The following KIF15 variants were observed in gnomAD, a reference collection of about 807,000 sequenced individuals.
KIF15 encodes the protein kinesin-like protein KIF15.
KIF15 carries 140 observed loss-of-function variants against 190.6 expected under a neutral mutation model. That is an observed-to-expected ratio of 0.73 (90% CI 0.64 to 0.84). The LOEUF (loss-of-function observed/expected upper bound fraction) is 0.84, where lower values mean the gene tolerates loss of function less well. Ranked by LOEUF, KIF15 falls within the 40% of genes least tolerant of loss-of-function variation. KIF15 has a pLI of 0.00. For synonymous variants in KIF15, 528 were observed against 551.3 expected, an observed-to-expected ratio of 0.96 and a Z score of 0.59; for missense variants, 1,372 against 1,584.4, an observed-to-expected ratio of 0.87 and a Z score of 2.28.
chr3:44,833,112 G>A (rs1220106915), intron 26 of KIF15, among the ~76,000 whole-genome samples: 2 of 152,076 alleles, frequency 1.3e-5, no homozygotes, highest in Non-Finnish European at 2.9e-5. Context: ...ACAGGCTACG[G>A]AGTTGGAATT....
rs1362639064 is a variant in KIF15, at chr3:44,812,335, A to G, written c.2277+46A>G. ...TCAGAAAATGTATGAAGTACCCTCA[A>G]ATGTTACCTTGAGGAAACATCCTCA... On this transcript the variant is annotated intron_variant, in intron 18 of 34. Coordinates refer to ENST00000326047, the MANE Select transcript of KIF15 (RefSeq NM_020242.3). 4 of 1,352,066 alleles carry G rather than the reference A, an allele frequency of 3.0e-6. No individual in the cohort carries two copies. In the South Asian group the frequency reaches 3.6e-5, roughly 12 times the overall value. 83.8% of individuals were successfully genotyped at this position (1,352,066 alleles called of 1,614,324 possible).
intron 8 of KIF15, among the ~76,000 whole-genome samples, chr3:44,795,857 A>G (rs985012050): frequency 3.3e-5 from 5 of 152,062 alleles, no homozygotes; most frequent in African/African-American, 1.2e-4. Flanking sequence ...GTTTCAGGCA[A>G]TCTGAAGCTC....
At chr3:44,795,477 T>C (rs1226732807) in intron 8 of KIF15, among the ~76,000 whole-genome samples, 3 of 152,104 alleles carry the variant, frequency 2.0e-5, no homozygotes, top group Non-Finnish European at 2.9e-5. Context: ...AGCAACTAAG[T>C]GATTCATGAA....
intron 27 of KIF15, 79 bp from the exon 28 acceptor site, chr3:44,840,276 T>A: frequency 3.9e-6 from 3 of 767,522 alleles, no homozygotes; most frequent in Non-Finnish European, 6.4e-6. Flanking sequence ...TGATTGGTGA[T>A]GGGAAGTTTG....
At chr3:44,821,975 C>T (rs991090546) in intron 20 of KIF15, among the ~76,000 whole-genome samples, 2 of 152,206 alleles carry the variant, frequency 1.3e-5, no homozygotes, top group South Asian at 2.1e-4. Context: ...AATACGAAAA[C>T]CAGTCAGGCG....
At chr3:44,852,630 A>T in intron 34 of KIF15, 43 bp from the exon 35 acceptor site, 1 of 1,424,838 alleles carries the variant, frequency 7.0e-7, no homozygotes, top group Non-Finnish European at 9.6e-7. Flanking sequence ...TGTAAGAATT[A>T]GAGCCTTATT....
At chr3:44,801,110 C>T (rs545798817) in intron 11 of KIF15, among the ~76,000 whole-genome samples, 270 of 150,516 alleles carry the variant, frequency 1.8e-3, no homozygotes, top group Middle Eastern at 3.5e-3. Context: ...TGGGTTCAAG[C>T]GATTCTCCTG....
chr3:44,829,579 T>C (rs1697909414), intron 24 of KIF15, among the ~76,000 whole-genome samples: 1 of 118,414 alleles, frequency 8.4e-6, no homozygotes, highest in Non-Finnish European at 1.6e-5. Context: ...ATATTATATA[T>C]GTATATATTA....
In KIF15 at chr3:44,802,791, C is replaced by G. The variant is rs375793736; in HGVS notation, c.1510-23C>G. The G allele has an allele frequency of 3.0e-5, 46 of 1,520,344 alleles. No homozygotes were observed. In the African/African-American group the frequency reaches 5.5e-4, roughly 18 times the overall value. 94.2% of individuals were successfully genotyped at this position (1,520,344 alleles called of 1,614,324 possible). A position where few individuals can be genotyped will look rare whatever the true frequency, so the allele number is the denominator to read the frequency against. On this transcript the variant is annotated intron_variant, in intron 13 of 34. Transcript: ENST00000326047. ...AGGAAATGTTTGTAAATATATAATG[C>G]GTGTAATTCTTCTATGTCACAGATA...
At chr3:44,798,397 G>T (rs1216796073) in intron 10 of KIF15, among the ~76,000 whole-genome samples, 1 of 150,988 alleles carries the variant, frequency 6.6e-6, no homozygotes, top group Non-Finnish European at 1.5e-5. Context: ...ACAGAGTCTT[G>T]CTCTGTCACC....
chr3:44,814,602 T>A (rs1355252421), intron 19 of KIF15, among the ~76,000 whole-genome samples: 1 of 152,200 alleles, frequency 6.6e-6, no homozygotes, highest in Non-Finnish European at 1.5e-5. Context: ...TAAGCCACTG[T>A]GTCTGCCCTT....
chr3:44,858,372 C>T (rs944223167), intron 6 of KIF15, among the ~76,000 whole-genome samples: 3 of 152,072 alleles, frequency 2.0e-5, no homozygotes, highest in African/African-American at 7.2e-5. Context: ...CTGTAGCAGG[C>T]GAGTGATAAC....
intron 30 of KIF15, among the ~76,000 whole-genome samples, chr3:44,845,477 A>T (rs1306063732): frequency 6.6e-6 from 1 of 152,152 alleles, no homozygotes; most frequent in East Asian, 1.9e-4. Flanking sequence ...TTTTGAACCC[A>T]TGAAGAGAAG....
rs972521393 is a variant in KIF15 at position 44,826,029 on chromosome 3, C to G, written c.2550-10C>G. On this transcript the variant is annotated splice_polypyrimidine_tract_variant and intron_variant, in intron 20 of 34. Transcript: ENST00000326047. ...TTATTTACCATTTTTAAAATGTTTT[C>G]CTTATAAAGGTTAGAAAACGAAAAG... 2 of 1,571,282 alleles carry G rather than the reference C, an allele frequency of 1.3e-6. No homozygotes were observed. The highest frequency in any genetic ancestry group is 2.8e-5 in the African/African-American group (2 of 71,952).
intron 4 of KIF15, 133 bp downstream of exon 4, chr3:44,778,324 AG>A: frequency 2.7e-6 from 2 of 736,040 alleles, no homozygotes; most frequent in Non-Finnish European, 4.8e-6. Context: ...GTAAGTGAAA[AG>A]TTCAACATGG....
intron 5 of KIF15, among the ~76,000 whole-genome samples, chr3:44,784,485 A>T (rs908546926): frequency 1.3e-5 from 2 of 152,118 alleles, no homozygotes; most frequent in African/African-American, 4.8e-5. Flanking sequence ...TCTTTCCAAT[A>T]ACCCTATGTG....
chr3:44,846,645 G>A (rs1236569531), intron 30 of KIF15, among the ~76,000 whole-genome samples: 1 of 151,812 alleles, frequency 6.6e-6, no homozygotes, highest in East Asian at 1.9e-4. Flanking sequence ...GTGGTGGCAC[G>A]CACCTGTAAT....
At chr3:44,768,302 A>T (rs1705494565) in intron 1 of KIF15, among the ~76,000 whole-genome samples, 1 of 152,050 alleles carries the variant, frequency 6.6e-6, no homozygotes, top group Non-Finnish European at 1.5e-5. Flanking sequence ...AGAAAAAAAA[A>T]ACCACTGATG....
At chr3:44,807,685 A>G (rs546528151) in intron 16 of KIF15, among the ~76,000 whole-genome samples, 1 of 151,338 alleles carries the variant, frequency 6.6e-6, no homozygotes, top group African/African-American at 2.4e-5. Flanking sequence ...ACATCATTCT[A>G]CAGCTTGAGG....
Sources: allele counts gnomAD v4.1 joint callset (sites outside exome capture counted in the v4.1 genomes callset), GRCh38; gene constraint gnomAD v4.1.1; transcripts MANE v1.5; gene names NCBI Gene and HGNC (gene_info 2026-07-23, HGNC 2026-07-21).